The following BCCIP variants were observed in gnomAD, a reference collection of about 807,000 sequenced individuals.
BCCIP encodes the protein BRCA2 and CDKN1A interacting protein.
In BCCIP, 23 loss-of-function variants were observed where a neutral mutation model predicts 32.8. The observed-to-expected ratio is 0.70, with a 90% CI of 0.51 to 0.99. The LOEUF is 0.99. BCCIP is among the 50% of genes least tolerant of loss of function. BCCIP has a pLI of 0.00. For missense variants in BCCIP, 378 were observed against 379.8 expected, an observed-to-expected ratio of 1.00 and a Z score of 0.04; for synonymous variants, 144 against 137.6, an observed-to-expected ratio of 1.05 and a Z score of -0.33.
chr10:125,842,008 C>T, exon 7 of BCCIP: 5 of 1,434,810 alleles, frequency 3.5e-6, no homozygotes, highest in Non-Finnish European at 4.5e-6. Context: ...GGACTTTTCC[C>T]TCCTGCATGA....
chr10:125,834,044 T>C, intron 6 of BCCIP, 98 bp downstream of exon 6: 2 of 1,341,460 alleles, frequency 1.5e-6, no homozygotes, highest in Non-Finnish European at 2.1e-6. Context: ...TCCAAGTCTT[T>C]CAAGTGTGGC....
intron 3 of BCCIP, among the ~76,000 whole-genome samples, chr10:125,828,385 GGTC>G (rs1474201562): frequency 2.0e-5 from 3 of 152,152 alleles, no homozygotes; most frequent in Admixed American, 1.3e-4. Context: ...ATGTTACTGA[GGTC>G]GTAGAAGTGA....
At chr10:125,830,503 T>G in intron 3 of BCCIP, 59 bp from the exon 4 acceptor site, 1 of 1,174,222 alleles carries the variant, frequency 8.5e-7, no homozygotes, top group Non-Finnish European at 1.2e-6. Flanking sequence ...CAAGACTTGG[T>G]TTTATACTCT....
At chr10:125,845,819 C>T (rs540304808), downstream of BCCIP, among the ~76,000 whole-genome samples, 45 of 152,248 alleles carry the variant, frequency 3.0e-4, no homozygotes, top group Non-Finnish European at 4.4e-4. Context: ...CAGTGCCACC[C>T]GCACCGTGAG....
At chr10:125,841,187 T>TTA, downstream of BCCIP, 1 of 1,391,716 alleles carries the variant, frequency 7.2e-7, no homozygotes. Flanking sequence ...CCCTCTCCTT[T>TTA]TGTGTGTGTG....
chr10:125,824,077 GTCC>G (rs1311690677), intron 1 of BCCIP, among the ~76,000 whole-genome samples: 12 of 152,286 alleles, frequency 7.9e-5, no homozygotes, highest in South Asian at 4.1e-4. Context: ...GGCAGCAGCT[GTCC>G]TCCTCTTCAC....
chr10:125,839,726 G>A (rs1190228130), downstream of BCCIP, among the ~76,000 whole-genome samples: 1 of 152,174 alleles, frequency 6.6e-6, no homozygotes, highest in Non-Finnish European at 1.5e-5. Context: ...TACCCTAGCT[G>A]TAACTTTTAT....
intron 6 of BCCIP, 132 bp downstream of exon 6, chr10:125,834,078 C>G: frequency 1.0e-6 from 1 of 953,064 alleles, no homozygotes; most frequent in Non-Finnish European, 1.6e-6. Flanking sequence ...TGTTTCCCCA[C>G]AGGACCTAGC....
chr10:125,846,636 A>C (rs772335565), downstream of BCCIP, among the ~76,000 whole-genome samples: 1 of 152,158 alleles, frequency 6.6e-6, no homozygotes, highest in Non-Finnish European at 1.5e-5. Flanking sequence ...CTGGAAATGC[A>C]CTTTTACCTC....
chr10:125,826,484 G>A, intron 1 of BCCIP, 107 bp from the exon 2 acceptor site: 1 of 1,507,788 alleles, frequency 6.6e-7, no homozygotes, highest in South Asian at 1.2e-5. Context: ...ATAGTGTGAA[G>A]GTGCTTTGTA....
chr10:125,836,374 C>T lies in BCCIP; in HGVS notation c.*100C>T. 6.4e-7 allele frequency: 1 copy of T among 1,567,788 alleles called. No homozygotes were observed. The highest frequency in any genetic ancestry group is 2.3e-5 in the East Asian group (1 of 43,844). On this transcript the variant is annotated 3_prime_UTR_variant, in exon 7 of 7. Transcript: ENST00000278100. ...CTCAGACTTTATTCAGATTAAGTTC[C>T]TCTACAAAAAGTAGGGTTCTGTCCC...
chr10:125,842,109 A>G (rs1168184575), exon 7 of BCCIP: 6 of 833,980 alleles, frequency 7.2e-6, no homozygotes, highest in Non-Finnish European at 1.0e-5. Context: ...TGAGAGGGCA[A>G]ACTCAGGAGG....
At chr10:125,835,550 G>A (rs976360806) in intron 6 of BCCIP, among the ~76,000 whole-genome samples, 1 of 148,446 alleles carries the variant, frequency 6.7e-6, no homozygotes, top group African/African-American at 2.5e-5. Context: ...CTGCACTCCA[G>A]CCTGGGTGAC....
chr10:125,829,523 A>G (rs556790637), intron 3 of BCCIP, among the ~76,000 whole-genome samples: 1 of 152,338 alleles, frequency 6.6e-6, no homozygotes, highest in Non-Finnish European at 1.5e-5. Flanking sequence ...AGACACTCTT[A>G]TCTGACTTTT....
intron 7 of BCCIP, chr10:125,852,589 C>G (rs1267197063): frequency 6.2e-7 from 1 of 1,613,848 alleles, no homozygotes; most frequent in Non-Finnish European, 8.5e-7. Context: ...CTGCCTGGCT[C>G]TGGCTGATGG....
chr10:125,827,586 C>A lies in BCCIP; in HGVS notation c.269C>A (p.Ala90Glu). The A allele has an allele frequency of 6.2e-7, 1 of 1,612,732 alleles. No homozygotes were observed. The highest frequency in any genetic ancestry group is 8.5e-7 in the Non-Finnish European group (1 of 1,178,850). ...TTTCTAAAGGCTCCTGTGAACACTG[C>A]AGAACTAACAGATCTCTTAATTCAA... ...QLFLKAPVNT[A>E]ELTDLLIQQN... Residue 90 changes from alanine to glutamate, a missense_variant, in exon 3 of 7, where the codon GCA becomes GAA. By Grantham distance (107) the Ala-to-Glu change is moderately radical. Coordinates refer to ENST00000278100, the MANE Select transcript of BCCIP (RefSeq NM_078468.3).
At chr10:125,830,702 CT>C in intron 4 of BCCIP, 51 bp downstream of exon 4, 2 of 1,116,930 alleles carry the variant, frequency 1.8e-6, no homozygotes, top group Non-Finnish European at 2.7e-6. Context: ...GCCAAAACCA[CT>C]TTTATTTAAT....
chr10:125,826,996 T>TAAAAA (rs374807277), intron 2 of BCCIP, among the ~76,000 whole-genome samples: 25 of 129,286 alleles, frequency 1.9e-4, no homozygotes, highest in Non-Finnish European at 2.4e-4. Context: ...CCTCTGTCTC[T>TAAAAA]AAAAAAAAAG....
chr10:125,824,790 G>A (rs531800074), intron 1 of BCCIP, among the ~76,000 whole-genome samples: 1 of 152,374 alleles, frequency 6.6e-6, no homozygotes, highest in South Asian at 2.1e-4. Context: ...TGCTGCATTG[G>A]CTTTCTAGTT....
Sources: gnomAD v4.1 joint callset for allele counts (sites outside exome capture counted in the v4.1 genomes callset) on GRCh38, gnomAD v4.1.1 for gene constraint, MANE v1.5 for transcripts, NCBI Gene and HGNC (gene_info 2026-07-23, HGNC 2026-07-21) for gene names.